USP21: variants seen among roughly 807,000 people sequenced by gnomAD.
USP21 encodes ubiquitin carboxyl-terminal hydrolase 21.
USP21 carries 37 observed loss-of-function variants against 70.8 expected under a neutral mutation model. The observed-to-expected ratio is 0.52, with a 90% CI of 0.40 to 0.69. The LOEUF (loss-of-function observed/expected upper bound fraction) is 0.69. Ranked by LOEUF, USP21 falls within the 30% of genes least tolerant of loss-of-function variation. The pLI is 0.00. For synonymous variants in USP21, 263 were observed against 283.1 expected (o/e 0.93, Z 0.71); for missense variants, 584 against 740.8 (o/e 0.79, Z 2.46).
Position 161,162,281 on chromosome 1 carries a change from T to C in USP21, c.672T>C (p.Asn224=). The change falls in exon 5 of 14, where the codon AAT becomes AAC. Residue 224 remains asparagine (N), a synonymous_variant. Transcript: ENST00000368002. This position sits in a 1 kb window ranked among gnomAD's most constrained non-coding sequence, Gnocchi z 4.1. The part of the protein sequence containing the change: ...LRNLGNTCFL[N]AVLQCLSSTR... The stretch of plus-strand genomic sequence containing the variant: ...CTACTGCTCCCCAGTGCTTCCTGAA[T>C]GCTGTGCTGCAGTGTCTGAGCAGCA... The C allele has an allele frequency of 6.2e-7, 1 of 1,609,942 alleles. No individual in the cohort carries two copies. Among genetic ancestry groups the C allele is most frequent in the Non-Finnish European group, 8.5e-7 (1 of 1,177,278 alleles).
chr1:161,161,890 A>G lies in USP21; in HGVS notation c.601-148A>G. The G allele has an allele frequency of 1.3e-6, 1 of 752,922 alleles. No individual in the cohort carries two copies. Among genetic ancestry groups the G allele is most frequent in the Non-Finnish European group, 2.3e-6 (1 of 428,392 alleles). The allele number at this position is 752,922 out of a possible 1,614,324, so 46.6% of individuals were successfully genotyped here. On this transcript the variant is annotated intron_variant, in intron 3 of 13. Transcript: ENST00000368002. The surrounding 1 kb of genome is among the most constrained non-coding windows in gnomAD (Gnocchi z 4.2). The stretch of plus-strand genomic sequence containing the variant: ...ACTGCTCATGACCAGTGAGGTAGGG[A>G]GACTAGAATACCTAGTGAGGGGAAT...
rs997899702 is a variant in USP21 at position 161,161,785 on chromosome 1, C to T, written c.601-253C>T. 3 of 531,250 alleles carry T rather than the reference C, an allele frequency of 5.6e-6. No individual in the cohort carries two copies. Among genetic ancestry groups the T allele is most frequent in the Non-Finnish European group, 1.0e-5 (3 of 296,560 alleles). The allele number at this position is 531,250 out of a possible 1,614,324, so 32.9% of individuals were successfully genotyped here. ...GTTGCCCCAGGAGCTGCAACGTCAGCTAGCTGAGCAGAGGAGTAAGTGGGC... is the reference window on the plus strand; with the variant it reads ...GTTGCCCCAGGAGCTGCAACGTCAGTTAGCTGAGCAGAGGAGTAAGTGGGC... On this transcript the variant is annotated intron_variant, in intron 3 of 13. Transcript: ENST00000368002. The surrounding 1 kb of genome is among the most constrained non-coding windows in gnomAD (Gnocchi z 4.2).
intron 7 of USP21, 130 bp from the exon 8 acceptor site, chr1:161,163,425 T>C: frequency 1.2e-6 from 1 of 836,118 alleles, no homozygotes; most frequent in Non-Finnish European, 1.9e-6. Flanking sequence ...TGACTTTTCC[T>C]TGAAATTTAG....
chr1:161,161,613 C>A lies in USP21; in HGVS notation c.600+373C>A. 1 of 360,628 alleles carries A rather than the reference C, an allele frequency of 2.8e-6. No homozygotes were observed. Among genetic ancestry groups the A allele is most frequent in the Non-Finnish European group, 5.1e-6 (1 of 196,668 alleles). The allele number at this position is 360,628 out of a possible 1,614,324, so 22.3% of individuals were successfully genotyped here. On this transcript the variant is annotated intron_variant, in intron 3 of 13. Transcript: ENST00000368002. The surrounding 1 kb of genome is among the most constrained non-coding windows in gnomAD (Gnocchi z 4.2). ...CAGAACATCTTAGCAAACGTGGTTGCACATTTTCTGAGCTAAGTAAGCTAG... is the reference window on the plus strand; with the variant it reads ...CAGAACATCTTAGCAAACGTGGTTGAACATTTTCTGAGCTAAGTAAGCTAG...
intron 1 of USP21, among the ~76,000 whole-genome samples, chr1:161,159,962 C>T (rs77816185): frequency 0.086 from 13,161 of 152,246 alleles, 612 homozygotes; most frequent in South Asian, 0.13. Flanking sequence ...GTTCGTCCTC[C>T]ATCCCCGACT....
Position 161,160,381 on chromosome 1 carries a change from T to A in USP21, c.-147T>A. On this transcript the variant is annotated 5_prime_UTR_variant, in exon 2 of 14. The change abolishes an upstream ATG in the 5' untranslated region. Coordinates refer to ENST00000368002, the MANE Select transcript of USP21 (RefSeq NM_001014443.3). Reference sequence around the variant, plus strand: ...ACGATGCCAGGTACTGGGGATACGATGGCTGATTCGATAGATCTGGTTCCT... The same window carrying A: ...ACGATGCCAGGTACTGGGGATACGAAGGCTGATTCGATAGATCTGGTTCCT... 5.4e-6 allele frequency: 3 copies of A among 558,780 alleles called. No homozygotes were observed. The highest frequency in any genetic ancestry group is 9.8e-6 in the Non-Finnish European group (3 of 306,288). 34.6% of individuals were successfully genotyped at this position (558,780 alleles called of 1,614,324 possible). A position where few individuals can be genotyped will look rare whatever the true frequency, so the allele number is the denominator to read the frequency against.
Position 161,164,289 on chromosome 1 carries a change from G to A in USP21, c.1305+39G>A, listed in dbSNP as rs749452531. 3.9e-5 allele frequency: 61 copies of A among 1,573,604 alleles called. 1 individual carries two copies. The Middle Eastern group carries it at 6.7e-4, about 17-fold the overall frequency. On this transcript the variant is annotated intron_variant, in intron 10 of 13. Transcript: ENST00000368002. The surrounding 1 kb of genome is among the most constrained non-coding windows in gnomAD (Gnocchi z 4.2). Reference sequence around the variant, plus strand: ...CACAAGGGATACAGTAAGGGTGGGAGACCTGGGGGGACTCCATGTGGATAA... The same window carrying A: ...CACAAGGGATACAGTAAGGGTGGGAAACCTGGGGGGACTCCATGTGGATAA...
chr1:161,164,854 C>T lies in USP21; in HGVS notation c.1404C>T (p.Ala468=), dbSNP rs764510874. 6 of 1,613,756 alleles carry T rather than the reference C, an allele frequency of 3.7e-6. No homozygotes were observed. In the East Asian group the frequency reaches 6.7e-5, roughly 18 times the overall value. ...ILVLHLNRFS[A]SRGSIKKSSV... ...GCTTAGATCTGAATCGATTTTCTGC[C>T]TCCCGAGGCTCCATCAAAAAAAGTT... Residue 468 remains alanine, a synonymous_variant, in exon 12 of 14, where the codon GCC becomes GCT. Coordinates refer to ENST00000368002, the MANE Select transcript of USP21 (RefSeq NM_001014443.3). The surrounding 1 kb of genome is among the most constrained non-coding windows in gnomAD (Gnocchi z 4.2).
At chr1:161,163,794 G>T in intron 8 of USP21, 84 bp from the exon 9 acceptor site, 1 of 1,414,996 alleles carries the variant, frequency 7.1e-7, no homozygotes, top group South Asian at 1.2e-5. Flanking sequence ...GTCAAGCAAA[G>T]GGGCAGGAAG....
chr1:161,162,027 T>C lies in USP21; in HGVS notation c.601-11T>C, dbSNP rs771796378. On this transcript the variant is annotated splice_polypyrimidine_tract_variant and intron_variant, in intron 3 of 13. Transcript: ENST00000368002. This position sits in a 1 kb window ranked among gnomAD's most constrained non-coding sequence, Gnocchi z 4.1. Reference sequence around the variant, plus strand: ...ATATAGGAACTTGCCGATTGTACTCTGACCTTCCAGGCTCATCACACACTC... The same window carrying C: ...ATATAGGAACTTGCCGATTGTACTCCGACCTTCCAGGCTCATCACACACTC... 1.2e-6 allele frequency: 2 copies of C among 1,614,152 alleles called. No individual in the cohort carries two copies. The highest frequency in any genetic ancestry group is 2.2e-5 in the South Asian group (2 of 91,082).
Position 161,160,499 on chromosome 1 carries a change from G to C in USP21, c.-29G>C. ...TAATGTGGAAATGAGAGGACAGCAAGATTGTGGGTATGGAATGGGGCAAAG... is the reference window on the plus strand; with the variant it reads ...TAATGTGGAAATGAGAGGACAGCAACATTGTGGGTATGGAATGGGGCAAAG... On this transcript the variant is annotated 5_prime_UTR_variant, in exon 2 of 14. Coordinates refer to ENST00000368002, the MANE Select transcript of USP21 (RefSeq NM_001014443.3). The C allele has an allele frequency of 9.5e-7, 1 of 1,056,438 alleles. No individual in the cohort carries two copies. The highest frequency in any genetic ancestry group is 1.5e-5 in the South Asian group (1 of 68,048). 65.4% of individuals were successfully genotyped at this position (1,056,438 alleles called of 1,614,324 possible). A position where few individuals can be genotyped will look rare whatever the true frequency, so the allele number is the denominator to read the frequency against.
rs1658347976 is a variant in USP21, at chr1:161,164,613, A to G, written c.1384+1A>G. On this transcript the variant is annotated splice_donor_variant, in intron 11 of 13. Transcript: ENST00000368002. LOFTEE classifies it high-confidence loss of function. The surrounding 1 kb of genome is among the most constrained non-coding windows in gnomAD (Gnocchi z 4.2). ...AGATTCCCTCGAATCCTCGTGCTCCATATCCTAATCTTCAGATTCTTACTT... is the reference window on the plus strand; with the variant it reads ...AGATTCCCTCGAATCCTCGTGCTCCGTATCCTAATCTTCAGATTCTTACTT... 1 of 1,614,140 alleles carries G rather than the reference A, an allele frequency of 6.2e-7. No individual in the cohort carries two copies. Among genetic ancestry groups the G allele is most frequent in the Admixed American group, 1.7e-5 (1 of 60,034 alleles).
In USP21 at chr1:161,162,774, G is replaced by A; in HGVS notation, c.893+48G>A. On this transcript the variant is annotated intron_variant, in intron 6 of 13. Transcript: ENST00000368002. The surrounding 1 kb of genome is among the most constrained non-coding windows in gnomAD (Gnocchi z 4.1). ...GATTTCTCTCTGGCCATGTCTGGGG[G>A]TAGGGCCAAGCAAGGGCCCTGGCAG... The A allele has an allele frequency of 1.3e-6, 2 of 1,574,718 alleles. No homozygotes were observed. Among genetic ancestry groups the A allele is most frequent in the African/African-American group, 1.3e-5 (1 of 74,228 alleles).
rs781514698 is a variant in USP21 at position 161,165,107 on chromosome 1, G to A, written c.1571G>A (p.Arg524Gln). The change falls in exon 13 of 14, where the codon CGG becomes CAG. Residue 524 changes from arginine (R) to glutamine (Q), a missense_variant. Arg to Gln is a conservative substitution (Grantham distance 43). Around this residue, in one of 4 missense-constraint regions of USP21, gnomAD observed 173 missense variants for 268.2 expected, o/e 0.65. Coordinates refer to ENST00000368002, the MANE Select transcript of USP21 (RefSeq NM_001014443.3). ...TATGGCCACTACACAGCCCTGTGCC[G>A]GTGCCAGACTGGTTGGCATGTCTAC... ...VHYGHYTALC[R>Q]CQTGWHVYND... 17 of 1,613,888 alleles carry A rather than the reference G, an allele frequency of 1.1e-5. No individual in the cohort carries two copies. The South Asian group carries it at 1.3e-4, about 13-fold the overall frequency.
rs533162769 is a variant in USP21 at position 161,163,154 on chromosome 1, T to C, written c.1049+80T>C. The C allele has an allele frequency of 8.8e-6, 13 of 1,476,998 alleles. No homozygotes were observed. In the Admixed American group the frequency reaches 2.5e-4, roughly 28 times the overall value. 91.5% of individuals were successfully genotyped at this position (1,476,998 alleles called of 1,614,324 possible). ...CTTCATAGAACTAAACTAGTAAAGA[T>C]TGAAGATGTAGGGTCCAGGGAAACC... On this transcript the variant is annotated intron_variant, in intron 7 of 13. Coordinates refer to ENST00000368002, the MANE Select transcript of USP21 (RefSeq NM_001014443.3).
In USP21 at chr1:161,162,404, T is replaced by A; in HGVS notation, c.781+14T>A. On this transcript the variant is annotated intron_variant, in intron 5 of 13. Transcript: ENST00000368002. This position sits in a 1 kb window ranked among gnomAD's most constrained non-coding sequence, Gnocchi z 4.1. The stretch of plus-strand genomic sequence containing the variant: ...AGCTCACTGAAGGTGGGGCAACAAC[T>A]CCTGCTCCCTCTGTTCAAGTCCCTT... The A allele has an allele frequency of 6.3e-7, 1 of 1,592,052 alleles. No homozygotes were observed. The highest frequency in any genetic ancestry group is 1.1e-5 in the South Asian group (1 of 87,454).
In USP21 at chr1:161,162,033, T is replaced by A; in HGVS notation, c.601-5T>A. 6.2e-7 allele frequency: 1 copy of A among 1,614,108 alleles called. No homozygotes were observed. The highest frequency in any genetic ancestry group is 8.5e-7 in the Non-Finnish European group (1 of 1,180,010). On this transcript the variant is annotated splice_polypyrimidine_tract_variant and splice_region_variant and intron_variant, in intron 3 of 13. Coordinates refer to ENST00000368002, the MANE Select transcript of USP21 (RefSeq NM_001014443.3). The surrounding 1 kb of genome is among the most constrained non-coding windows in gnomAD (Gnocchi z 4.1). Reference sequence around the variant, plus strand: ...GAACTTGCCGATTGTACTCTGACCTTCCAGGCTCATCACACACTCCTTCTG... The same window carrying A: ...GAACTTGCCGATTGTACTCTGACCTACCAGGCTCATCACACACTCCTTCTG...
Position 161,164,462 on chromosome 1 carries a change from T to G in USP21, c.1306-72T>G, listed in dbSNP as rs1399569827. ...ATGAAGAGCATACTAAATTTGTATGTGGATCGGGGTGTCAGAAAAGCCAAT... is the reference window on the plus strand; with the variant it reads ...ATGAAGAGCATACTAAATTTGTATGGGGATCGGGGTGTCAGAAAAGCCAAT... On this transcript the variant is annotated intron_variant, in intron 10 of 13. Transcript: ENST00000368002. The surrounding 1 kb of genome is among the most constrained non-coding windows in gnomAD (Gnocchi z 4.2). 3.5e-5 allele frequency: 55 copies of G among 1,564,862 alleles called. No homozygotes were observed. The highest frequency in any genetic ancestry group is 4.8e-5 in the Non-Finnish European group (55 of 1,136,412).
In USP21 at chr1:161,164,683, G is replaced by A; in HGVS notation, c.1384+71G>A. On this transcript the variant is annotated intron_variant, in intron 11 of 13. Coordinates refer to ENST00000368002, the MANE Select transcript of USP21 (RefSeq NM_001014443.3). The surrounding 1 kb of genome is among the most constrained non-coding windows in gnomAD (Gnocchi z 4.2). ...ACATTCTCTTTCCTCCATGTTTCCAGAGAATTGAATTTTCCTTAGGAAAAG... is the reference window on the plus strand; with the variant it reads ...ACATTCTCTTTCCTCCATGTTTCCAAAGAATTGAATTTTCCTTAGGAAAAG... 1 of 1,608,864 alleles carries A rather than the reference G, an allele frequency of 6.2e-7. No individual in the cohort carries two copies. The highest frequency in any genetic ancestry group is 8.5e-7 in the Non-Finnish European group (1 of 1,176,562).
Sources: gnomAD v4.1 joint callset for allele counts (sites outside exome capture counted in the v4.1 genomes callset) on GRCh38, gnomAD v4.1.1 for gene constraint, gnomAD v4.1.1 regional missense constraint, Gnocchi (gnomAD v3.1) non-coding constraint, MANE v1.5 for transcripts, NCBI Gene and HGNC (gene_info 2026-07-23, HGNC 2026-07-21) for gene names.